The following SLC17A8 variants were observed in gnomAD, a reference collection of about 807,000 sequenced individuals.
SLC17A8 encodes the protein solute carrier family 17 member 8, also known as vesicular glutamate transporter 3.
SLC17A8 carries 31 observed loss-of-function variants against 58.0 expected under a neutral mutation model. That is an observed-to-expected ratio of 0.53 (90% CI 0.40 to 0.72). The LOEUF (loss-of-function observed/expected upper bound fraction) is 0.72. Ranked by LOEUF, SLC17A8 falls within the 30% of genes least tolerant of loss-of-function variation. SLC17A8 has a pLI of 0.00. For missense variants in SLC17A8, 655 were observed against 727.8 expected (o/e 0.90, Z 1.15); for synonymous variants, 228 against 249.0 (o/e 0.92, Z 0.79).
chr12:100,400,952 G>A (rs1037878623), intron 5 of SLC17A8, among the ~76,000 whole-genome samples: 2 of 149,946 alleles, frequency 1.3e-5, no homozygotes, highest in Non-Finnish European at 3.0e-5. Context: ...GCTGAATGGA[G>A]ACAGCAGCCC....
intron 10 of SLC17A8, among the ~76,000 whole-genome samples, chr12:100,414,577 C>T (rs1189705055): frequency 6.6e-6 from 1 of 152,182 alleles, no homozygotes; most frequent in Admixed American, 6.5e-5. Context: ...TCATGTATTT[C>T]CCCGCACTTC....
intron 10 of SLC17A8, among the ~76,000 whole-genome samples, chr12:100,416,762 T>C (rs1952909177): frequency 6.6e-6 from 1 of 152,200 alleles, no homozygotes; most frequent in African/African-American, 2.4e-5. Context: ...TGCATGTTGG[T>C]TTACACGTCT....
intron 1 of SLC17A8, 35 bp from the exon 2 acceptor site, chr12:100,380,666 G>A (rs746916761): frequency 1.9e-6 from 3 of 1,611,460 alleles, no homozygotes; most frequent in South Asian, 1.1e-5. Context: ...TTTAATCCTG[G>A]CTTTTATTTT....
At chr12:100,400,239 G>T (rs182805102) in intron 5 of SLC17A8, among the ~76,000 whole-genome samples, 1 of 152,048 alleles carries the variant, frequency 6.6e-6, no homozygotes, top group Non-Finnish European at 1.5e-5. Context: ...CTATCTCCAC[G>T]CACAGCAGAA....
At chr12:100,406,920 C>T (rs906846231) in intron 9 of SLC17A8, among the ~76,000 whole-genome samples, 3 of 152,100 alleles carry the variant, frequency 2.0e-5, no homozygotes, top group African/African-American at 7.2e-5. Flanking sequence ...TTTCAGTTGT[C>T]CTGTCTAGAG....
intron 1 of SLC17A8, among the ~76,000 whole-genome samples, chr12:100,366,950 T>A (rs1167763921): frequency 1.3e-5 from 2 of 152,162 alleles, no homozygotes; most frequent in East Asian, 3.9e-4. Context: ...TTGCCACTGG[T>A]TCTGGAGCAG....
At chr12:100,357,594 A>G (rs1322507451) in intron 1 of SLC17A8, 102 bp downstream of exon 1, 2 of 797,978 alleles carry the variant, frequency 2.5e-6, no homozygotes, top group Non-Finnish European at 2.2e-6. Flanking sequence ...TTTAATGAGG[A>G]GAGGATGGGT....
intron 1 of SLC17A8, among the ~76,000 whole-genome samples, chr12:100,375,191 C>T (rs1473233425): frequency 6.6e-6 from 1 of 150,682 alleles, no homozygotes; most frequent in South Asian, 2.1e-4. Flanking sequence ...GGCACAATCA[C>T]AGCTCACTGC....
intron 9 of SLC17A8, among the ~76,000 whole-genome samples, chr12:100,408,372 C>A (rs12368602): frequency 0.38 from 58,258 of 151,992 alleles, 12,442 homozygotes; most frequent in Non-Finnish European, 0.47. Flanking sequence ...TAACTGAGGT[C>A]AAAAATTCTA....
chr12:100,401,793 A>G lies in SLC17A8; in HGVS notation c.693A>G (p.Ala231=). 6.2e-7 allele frequency: 1 copy of G among 1,613,852 alleles called. No individual in the cohort carries two copies. The highest frequency in any genetic ancestry group is 1.1e-5 in the South Asian group (1 of 91,072). Residue 231 remains alanine (A), a synonymous_variant, in exon 6 of 12, where the codon GCA becomes GCG. Transcript: ENST00000323346. The part of the protein sequence containing the change: ...TTSFCGSYAG[A]VVAMPLAGVL... ...TTGTTCCAGGTTCCTATGCAGGGGCAGTGGTTGCCATGCCCCTGGCTGGGG... is the reference window on the plus strand; with the variant it reads ...TTGTTCCAGGTTCCTATGCAGGGGCGGTGGTTGCCATGCCCCTGGCTGGGG...
intron 1 of SLC17A8, among the ~76,000 whole-genome samples, chr12:100,374,633 C>G (rs1952581881): frequency 6.6e-6 from 1 of 152,080 alleles, no homozygotes; most frequent in South Asian, 2.1e-4. Flanking sequence ...TAAAACAAAA[C>G]AAATCAAATC....
chr12:100,374,070 G>C (rs1275476683), intron 1 of SLC17A8, among the ~76,000 whole-genome samples: 1 of 152,160 alleles, frequency 6.6e-6, no homozygotes, highest in African/African-American at 2.4e-5. Context: ...TCTTTGTAGG[G>C]TCGGCTCATG....
rs150482156 is a variant in SLC17A8 at position 100,415,089 on chromosome 12, T to C, written c.1297+2209T>C. 2.8e-4 allele frequency among the ~76,000 whole-genome samples: 43 copies of C among 152,344 alleles called. No homozygotes were observed. In the East Asian group the frequency reaches 2.9e-3, roughly 10 times the overall value. On this transcript the variant is annotated intron_variant, in intron 10 of 11. Coordinates refer to ENST00000323346, the MANE Select transcript of SLC17A8 (RefSeq NM_139319.3). ...GTTCATATTGCTTCCTTTCCCCCGA[T>C]TGCCAATTAAGTCACAATCTGAAGG... is the stretch of plus-strand genomic sequence containing the variant.
At chr12:100,417,006 A>T (rs990944152) in intron 10 of SLC17A8, among the ~76,000 whole-genome samples, 9 of 152,164 alleles carry the variant, frequency 5.9e-5, no homozygotes, top group African/African-American at 2.2e-4. Context: ...CCTGGGTTCA[A>T]GTGATTCTCC....
At chr12:100,361,820 G>T (rs1280464526) in intron 1 of SLC17A8, among the ~76,000 whole-genome samples, 3 of 152,242 alleles carry the variant, frequency 2.0e-5, no homozygotes, top group Admixed American at 1.3e-4. Context: ...AATGAGCCAG[G>T]CATAGAGGCA....
chr12:100,402,356 T>C lies in SLC17A8; in HGVS notation c.780T>C (p.Ile260=), dbSNP rs143665730. 1 of 1,614,148 alleles carries C rather than the reference T, an allele frequency of 6.2e-7. No homozygotes were observed. The highest frequency in any genetic ancestry group is 8.5e-7 in the Non-Finnish European group (1 of 1,180,030). Residue 260 remains isoleucine (I), a synonymous_variant, in exon 7 of 12, where the codon ATT becomes ATC. Transcript: ENST00000323346. ...VFYIYGMFGI[I]WYMFWLLQAY... is the part of the protein sequence containing the mutation. ...TAACTGCAGGCATGTTTGGGATTAT[T>C]TGGTACATGTTTTGGCTGTTGCAGG...
Position 100,420,076 on chromosome 12 carries a change from A to T in SLC17A8, c.1687A>T (p.Lys563Ter). ...TTGTGAAGTCCAGAAGAAGGAATGGAAAGGACAGAGAGGAGCGACCCTTGA... is the reference window on the plus strand; with the variant it reads ...TTGTGAAGTCCAGAAGAAGGAATGGTAAGGACAGAGAGGAGCGACCCTTGA... ...QNCEVQKKEW[K>*]GQRGATLDEE... The change falls in exon 12 of 12, where the codon AAA becomes TAA. Residue 563 changes from lysine to a stop codon, truncating the protein, a stop_gained. Transcript: ENST00000323346. LOFTEE classifies it low-confidence loss of function (END_TRUNC). 6.2e-7 allele frequency: 1 copy of T among 1,614,080 alleles called. No homozygotes were observed. Among genetic ancestry groups the T allele is most frequent in the Non-Finnish European group, 8.5e-7 (1 of 1,180,020 alleles).
In SLC17A8 at chr12:100,401,840, G is replaced by A. The variant is rs1359713754; in HGVS notation, c.740G>A (p.Trp247Ter). 6.2e-7 allele frequency: 1 copy of A among 1,613,630 alleles called. No homozygotes were observed. Among genetic ancestry groups the A allele is most frequent in the Non-Finnish European group, 8.5e-7 (1 of 1,179,740 alleles). ...LAGVLVQYIG[W>*]SSVFYIYGMF... ...GGGGTGTTGGTGCAGTACATTGGATGGTCCTCTGTCTTTTATATTTATGGT... is the reference window on the plus strand; with the variant it reads ...GGGGTGTTGGTGCAGTACATTGGATAGTCCTCTGTCTTTTATATTTATGGT... Residue 247 changes from tryptophan to a stop codon, truncating the protein, a stop_gained, in exon 6 of 12, where the codon TGG (tryptophan) becomes TAG (stop). Transcript: ENST00000323346. LOFTEE classifies it high-confidence loss of function.
intron 4 of SLC17A8, among the ~76,000 whole-genome samples, chr12:100,393,946 G>T (rs934744841): frequency 6.6e-6 from 1 of 152,174 alleles, no homozygotes; most frequent in African/African-American, 2.4e-5. Context: ...AGTGTCTGTT[G>T]CATCTACTCA....
Sources: allele counts gnomAD v4.1 joint callset (sites outside exome capture counted in the v4.1 genomes callset), GRCh38; gene constraint gnomAD v4.1.1; transcripts MANE v1.5; gene names NCBI Gene and HGNC (gene_info 2026-07-23, HGNC 2026-07-21).